IL1RAPL2: variants seen among roughly 807,000 people sequenced by gnomAD.
IL1RAPL2 encodes X-linked interleukin-1 receptor accessory protein-like 2.
In IL1RAPL2, 3 loss-of-function variants were observed where a neutral mutation model predicts 44.1. The observed-to-expected ratio is 0.07, with a 90% confidence interval of 0.03 to 0.18. The LOEUF is 0.18. Among genes scored for constraint, IL1RAPL2 ranks in the 10% least tolerant of loss-of-function variants. The pLI, the probability that IL1RAPL2 is intolerant of heterozygous loss-of-function variation, is 1.00. For synonymous variants in IL1RAPL2, 181 were observed against 178.8 expected (o/e 1.01, Z -0.10); for missense variants, 391 against 496.4 (o/e 0.79, Z 2.02).
intron 2 of IL1RAPL2, among the ~76,000 whole-genome samples, chrX:104,715,599 G>A (rs1437798078): frequency 1.9e-5 from 2 of 107,555 alleles, no homozygotes; most frequent in Non-Finnish European, 1.9e-5. Flanking sequence ...AAATCATTGT[G>A]CAAAAATCAC....
chrX:104,577,655 G>A (rs951106432), intron 1 of IL1RAPL2, among the ~76,000 whole-genome samples: 2 of 110,930 alleles, frequency 1.8e-5, no homozygotes, highest in Non-Finnish European at 3.8e-5. Flanking sequence ...TTGTGAGGTG[G>A]GAAGAAAGCA....
chrX:105,312,722 T>C (rs1364466330), intron 5 of IL1RAPL2, among the ~76,000 whole-genome samples: 2 of 111,612 alleles, frequency 1.8e-5, no homozygotes, highest in African/African-American at 6.5e-5. Context: ...TTATATAGTT[T>C]TTTTTTGTGG....
At chrX:105,441,000 A>G (rs191784390) in intron 5 of IL1RAPL2, among the ~76,000 whole-genome samples, 131 of 112,126 alleles carry the variant, frequency 1.2e-3, no homozygotes, top group African/African-American at 4.0e-3. Context: ...GCCATGTGGA[A>G]CTGTGAGTCC....
intron 2 of IL1RAPL2, among the ~76,000 whole-genome samples, chrX:104,905,844 G>C (rs1196499713): frequency 9.0e-6 from 1 of 111,042 alleles, no homozygotes; most frequent in East Asian, 2.8e-4. Context: ...TGTGAAGAAA[G>C]TCATTGGTAG....
intron 2 of IL1RAPL2, among the ~76,000 whole-genome samples, chrX:104,690,763 C>T (rs1931078326): frequency 8.9e-6 from 1 of 111,988 alleles, no homozygotes; most frequent in Non-Finnish European, 1.9e-5. Flanking sequence ...CCTAGGGCTC[C>T]TTTTGTTTTC....
At chrX:105,332,819 G>C (rs1340141890) in intron 5 of IL1RAPL2, among the ~76,000 whole-genome samples, 2 of 111,347 alleles carry the variant, frequency 1.8e-5, no homozygotes, top group Non-Finnish European at 3.8e-5. Flanking sequence ...ATAAGTAGAA[G>C]TTCTCCGTAA....
At chrX:104,631,183 G>T (rs1929639544) in intron 1 of IL1RAPL2, among the ~76,000 whole-genome samples, 1 of 111,468 alleles carries the variant, frequency 9.0e-6, no homozygotes, top group African/African-American at 3.3e-5. Context: ...CTTTTTTATG[G>T]CTGCATAGTA....
chrX:105,008,254 G>T (rs917978401), intron 2 of IL1RAPL2, among the ~76,000 whole-genome samples: 1 of 110,608 alleles, frequency 9.0e-6, no homozygotes, highest in Non-Finnish European at 1.9e-5. Context: ...CACAATAATG[G>T]TATTAATTCA....
intron 2 of IL1RAPL2, among the ~76,000 whole-genome samples, chrX:105,014,420 C>T (rs1288941169): frequency 3.6e-5 from 4 of 110,679 alleles, no homozygotes; most frequent in Non-Finnish European, 5.7e-5. Context: ...CCCATCGACC[C>T]GTCATCTACA....
At chrX:105,751,122 A>G (rs1195105083) in intron 9 of IL1RAPL2, among the ~76,000 whole-genome samples, 1 of 110,120 alleles carries the variant, frequency 9.1e-6, no homozygotes, top group Non-Finnish European at 1.9e-5. Context: ...AGTTTAAAAA[A>G]TATTAGTTGG....
intron 2 of IL1RAPL2, among the ~76,000 whole-genome samples, chrX:104,922,169 A>G (rs916435810): frequency 9.0e-6 from 1 of 111,697 alleles, no homozygotes; most frequent in Non-Finnish European, 1.9e-5. Flanking sequence ...TGGGAGCCCC[A>G]TACCCTGCCC....
At chrX:105,594,614 G>T (rs1429592460) in intron 6 of IL1RAPL2, among the ~76,000 whole-genome samples, 1 of 111,417 alleles carries the variant, frequency 9.0e-6, no homozygotes, top group East Asian at 2.8e-4. Flanking sequence ...AATATAGAAT[G>T]ATTTTCAAGT....
chrX:104,899,008 G>A (rs1170310956), intron 2 of IL1RAPL2, among the ~76,000 whole-genome samples: 2 of 111,722 alleles, frequency 1.8e-5, no homozygotes, highest in Non-Finnish European at 3.8e-5. Context: ...CAAGCAATTT[G>A]AATTAAACAG....
chrX:105,747,478 C>G (rs866996512), intron 8 of IL1RAPL2, among the ~76,000 whole-genome samples: 5 of 71,229 alleles, frequency 7.0e-5, no homozygotes, highest in African/African-American at 3.5e-4. Context: ...CTCTCTCTCT[C>G]TCTGTGTGTG....
chrX:105,283,658 T>C (rs1225653698), intron 5 of IL1RAPL2, among the ~76,000 whole-genome samples: 1 of 111,096 alleles, frequency 9.0e-6, no homozygotes, highest in Admixed American at 9.6e-5. Context: ...TTACAAAAGT[T>C]CTGTTTTGGC....
chrX:104,798,103 C>T (rs1053354266), intron 2 of IL1RAPL2, among the ~76,000 whole-genome samples: 6 of 111,416 alleles, frequency 5.4e-5, no homozygotes, highest in South Asian at 3.8e-4. Flanking sequence ...ACTCCAGAGT[C>T]GATGATTTAG....
At chrX:105,104,821 A>G in intron 2 of IL1RAPL2, among the ~76,000 whole-genome samples, 1 of 112,428 alleles carries the variant, frequency 8.9e-6, no homozygotes, top group East Asian at 2.8e-4. Context: ...GATAAATGCT[A>G]TTGAATGCTG....
At chrX:105,040,050 G>T (rs1254921744) in intron 2 of IL1RAPL2, among the ~76,000 whole-genome samples, 1 of 110,653 alleles carries the variant, frequency 9.0e-6, no homozygotes, top group African/African-American at 3.3e-5. Flanking sequence ...TTTGAGATAT[G>T]TCCCATCAGT....
chrX:104,943,952 GT>G (rs1238616784), intron 2 of IL1RAPL2, among the ~76,000 whole-genome samples: 1 of 111,841 alleles, frequency 8.9e-6, no homozygotes, highest in Non-Finnish European at 1.9e-5. Context: ...ATAATACTAT[GT>G]CAGGAAATAG....
Sources: gnomAD v4.1 joint callset for allele counts (sites outside exome capture counted in the v4.1 genomes callset) on GRCh38, gnomAD v4.1.1 for gene constraint, MANE v1.5 for transcripts, NCBI Gene and HGNC (gene_info 2026-07-23, HGNC 2026-07-21) for gene names.